CRCP: variants seen among roughly 807,000 people sequenced by gnomAD.
CRCP encodes the protein CGRP receptor component, also known as DNA-directed RNA polymerase III subunit RPC9.
CRCP carries 18 observed loss-of-function variants against 18.5 expected under a neutral mutation model. The observed-to-expected ratio is 0.97, with a 90% confidence interval of 0.67 to 1.44. The LOEUF (loss-of-function observed/expected upper bound fraction) is 1.44. Ranked by LOEUF, CRCP falls within the 40% of genes most tolerant of loss-of-function variation. The pLI, the probability that CRCP is intolerant of heterozygous loss-of-function variation, is 0.00. For missense variants in CRCP, 130 were observed against 176.4 expected (o/e 0.74, Z 1.49); for synonymous variants, 53 against 62.9 (o/e 0.84, Z 0.75).
intron 3 of CRCP, among the ~76,000 whole-genome samples, chr7:66,133,194 A>G (rs1562765743): frequency 6.6e-6 from 1 of 152,022 alleles, no homozygotes; most frequent in Non-Finnish European, 1.5e-5. Flanking sequence ...ACAATTGCCT[A>G]AGAGTGATTT....
chr7:66,138,807 A>AT (rs1554333957), intron 4 of CRCP, among the ~76,000 whole-genome samples: 11 of 151,214 alleles, frequency 7.3e-5, no homozygotes, highest in African/African-American at 1.5e-4. Flanking sequence ...AAAAAAAAAA[A>AT]TTTAAATAAA....
intron 1 of CRCP, among the ~76,000 whole-genome samples, chr7:66,125,450 T>C (rs898358141): frequency 6.7e-6 from 1 of 149,532 alleles, no homozygotes; most frequent in Non-Finnish European, 1.5e-5. Context: ...AATATTTAGC[T>C]GGGTTTTAAA....
chr7:66,134,832 A>G (rs1019897910), intron 4 of CRCP, among the ~76,000 whole-genome samples: 10 of 152,292 alleles, frequency 6.6e-5, no homozygotes, highest in Admixed American at 3.3e-4. Flanking sequence ...GCTGTAGTCC[A>G]GTTTCTGCCC....
rs1788504962 is a variant in CRCP at position 66,152,428 on chromosome 7, AT to A, written c.*73del. The A allele has an allele frequency of 1.3e-6, 2 of 1,553,808 alleles. No homozygotes were observed. The highest frequency in any genetic ancestry group is 4.6e-5 in the East Asian group (2 of 43,738). On this transcript the variant is annotated 3_prime_UTR_variant, in exon 6 of 6. Transcript: ENST00000395326. The stretch of plus-strand genomic sequence containing the variant: ...CAGCCATTTCCTGGACGTTGAGAGG[AT>A]TGTTTATTTGATTTTTATCCTCATC...
intron 1 of CRCP, among the ~76,000 whole-genome samples, chr7:66,120,101 G>A (rs1253372991): frequency 3.3e-5 from 5 of 151,882 alleles, no homozygotes; most frequent in Admixed American, 6.6e-5. Flanking sequence ...GGAGAATGGC[G>A]TGAACCCGGG....
chr7:66,130,716 T>C (rs550629766), intron 2 of CRCP, 28 bp from the exon 3 acceptor site: 4 of 1,356,402 alleles, frequency 2.9e-6, no homozygotes, highest in African/African-American at 2.9e-5. Context: ...AATTTATTCA[T>C]AAACGTCTTT....
Position 66,130,846 on chromosome 7 carries a change from A to T in CRCP, c.144+4A>T. ...CTTGAACACTATCACCTATGAAGTA[A>T]GGCTGGGCTTCTGCCAGGCCTACCT... On this transcript the variant is annotated splice_donor_region_variant and intron_variant, in intron 3 of 5. Transcript: ENST00000395326. 2.7e-6 allele frequency: 4 copies of T among 1,485,370 alleles called. No individual in the cohort carries two copies. The highest frequency in any genetic ancestry group is 3.7e-6 in the Non-Finnish European group (4 of 1,067,418). The allele number at this position is 1,485,370 out of a possible 1,614,324, so 92.0% of individuals were successfully genotyped here.
chr7:66,151,760 T>C (rs1788481466), intron 5 of CRCP, among the ~76,000 whole-genome samples: 1 of 144,672 alleles, frequency 6.9e-6, no homozygotes, highest in South Asian at 2.2e-4. Context: ...TTCTTTTTTT[T>C]TTTTTTTTTT....
At chr7:66,151,671 C>CTGTGTGTG (rs1413679351) in intron 5 of CRCP, among the ~76,000 whole-genome samples, 43 of 40,298 alleles carry the variant, frequency 1.1e-3, no homozygotes, top group African/African-American at 3.4e-3. Context: ...CACCACTTCT[C>CTGTGTGTG]TCTGTGTGTG....
intron 5 of CRCP, among the ~76,000 whole-genome samples, chr7:66,151,666 C>A (rs1044560398): frequency 2.9e-4 from 17 of 58,134 alleles, no homozygotes; most frequent in Non-Finnish European, 4.4e-4. Flanking sequence ...CTGTTCACCA[C>A]TTCTCTCTGT....
rs988922913 is a variant in CRCP at position 66,134,339 on chromosome 7, A to G, written c.204A>G (p.Glu68=). 3.7e-6 allele frequency: 6 copies of G among 1,611,304 alleles called. No individual in the cohort carries two copies. The highest frequency in any genetic ancestry group is 5.1e-6 in the Non-Finnish European group (6 of 1,179,340). Reference sequence around the variant, plus strand: ...ACCAGAGTCCTGAAATTGTCAGAGAATTTCTCACAGCATTGAAAAGCCACA... The same window carrying G: ...ACCAGAGTCCTGAAATTGTCAGAGAGTTTCTCACAGCATTGAAAAGCCACA... ...CRHQSPEIVR[E]FLTALKSHKL... The change falls in exon 4 of 6, where the codon GAA becomes GAG. Residue 68 remains glutamate, a synonymous_variant. Coordinates refer to ENST00000395326, the MANE Select transcript of CRCP (RefSeq NM_014478.5).
At chr7:66,129,330 CAA>C (rs1415583311) in intron 2 of CRCP, among the ~76,000 whole-genome samples, 1 of 151,392 alleles carries the variant, frequency 6.6e-6, no homozygotes, top group African/African-American at 2.4e-5. Flanking sequence ...GACTCCGTCT[CAA>C]AAAAAATAAA....
chr7:66,136,126 T>G (rs571170599), intron 4 of CRCP, among the ~76,000 whole-genome samples: 24 of 152,342 alleles, frequency 1.6e-4, no homozygotes, highest in Non-Finnish European at 2.6e-4. Flanking sequence ...TTCTTGTAGT[T>G]TCCAGTTCCT....
chr7:66,115,032 C>A, intron 1 of CRCP, 62 bp downstream of exon 1: 2 of 1,581,284 alleles, frequency 1.3e-6, no homozygotes, highest in African/African-American at 1.3e-5. Context: ...CCGCTGAGAG[C>A]TGAGAGCCGA....
At chr7:66,137,333 ATTAG>A (rs1238599635) in intron 4 of CRCP, among the ~76,000 whole-genome samples, 2 of 152,164 alleles carry the variant, frequency 1.3e-5, no homozygotes, top group Non-Finnish European at 2.9e-5. Flanking sequence ...AAATCCACTT[ATTAG>A]TTCTAGGAAC....
At chr7:66,144,129 G>A (rs1291981451) in intron 4 of CRCP, among the ~76,000 whole-genome samples, 2 of 151,186 alleles carry the variant, frequency 1.3e-5, no homozygotes, top group Non-Finnish European at 2.9e-5. Flanking sequence ...GCCTGCACAG[G>A]GGTGGTCACT....
chr7:66,132,940 G>A (rs2115948153), intron 3 of CRCP, among the ~76,000 whole-genome samples: 1 of 151,866 alleles, frequency 6.6e-6, no homozygotes, highest in South Asian at 2.1e-4. Context: ...TAAATAAGAT[G>A]AAAGGACTTA....
chr7:66,134,469 G>T (rs1562766657), intron 4 of CRCP, 95 bp downstream of exon 4: 9 of 887,410 alleles, frequency 1.0e-5, no homozygotes, highest in Non-Finnish European at 1.6e-5. Context: ...GGCTGGGTTT[G>T]GATTTAAAGA....
rs559280849 is a variant in CRCP at position 66,154,480 on chromosome 7, A to C, written c.*2123A>C. The C allele has an allele frequency of 6.6e-6, 1 of 152,226 alleles. No individual in the cohort carries two copies. Among genetic ancestry groups the C allele is most frequent in the African/African-American group, 2.4e-5 (1 of 41,558 alleles). The allele number at this position is 152,226 out of a possible 1,614,324, so 9.4% of individuals were successfully genotyped here. A position where few individuals can be genotyped will look rare whatever the true frequency, so the allele number is the denominator to read the frequency against. On this transcript the variant is annotated 3_prime_UTR_variant, in exon 6 of 6. Coordinates refer to ENST00000395326, the MANE Select transcript of CRCP (RefSeq NM_014478.5). ...ACCTAGTTAATAATAAATTGTTTCCAGGTAATTATCAAGTTTTGTCATTTT... is the reference window on the plus strand; with the variant it reads ...ACCTAGTTAATAATAAATTGTTTCCCGGTAATTATCAAGTTTTGTCATTTT...
Sources: allele counts gnomAD v4.1 joint callset (sites outside exome capture counted in the v4.1 genomes callset), GRCh38; gene constraint gnomAD v4.1.1; transcripts MANE v1.5; gene names NCBI Gene and HGNC (gene_info 2026-07-23, HGNC 2026-07-21).